Variants in ITPR2 observed in about 807,000 individuals in gnomAD.
ITPR2 encodes inositol 1,4,5-trisphosphate-gated calcium channel ITPR2.
ITPR2 carries 207 observed loss-of-function variants against 317.1 expected under a neutral mutation model. The observed-to-expected ratio is 0.65, with a 90% CI of 0.58 to 0.73. The LOEUF (loss-of-function observed/expected upper bound fraction) is 0.73. Ranked by LOEUF, ITPR2 falls within the 30% of genes least tolerant of loss-of-function variation. The pLI is 0.00. For missense variants in ITPR2, 2,613 were observed against 3,284.0 expected, an observed-to-expected ratio of 0.80 and a Z score of 4.99; for synonymous variants, 1,156 against 1,149.1, an observed-to-expected ratio of 1.01 and a Z score of -0.12.
At chr12:26,462,673 C>CTT (rs1555134095) in intron 45 of ITPR2, among the ~76,000 whole-genome samples, 101 of 62,818 alleles carry the variant, frequency 1.6e-3, no homozygotes, top group South Asian at 0.015. Context: ...AGCTTTCTTT[C>CTT]TTTTTTTTTT....
chr12:26,470,308 A>C (rs1942267103), intron 45 of ITPR2, among the ~76,000 whole-genome samples: 1 of 151,982 alleles, frequency 6.6e-6, no homozygotes, highest in Non-Finnish European at 1.5e-5. Context: ...TAGATACAAA[A>C]ACTGAATTCA....
At chr12:26,605,118 A>ATAAAAAT (rs1308229240) in intron 26 of ITPR2, among the ~76,000 whole-genome samples, 1 of 94,142 alleles carries the variant, frequency 1.1e-5, no homozygotes, top group Non-Finnish European at 2.6e-5. Flanking sequence ...TAAAAAATAA[A>ATAAAAAT]AAATAAAAAT....
At chr12:26,670,556 C>T (rs1947743916) in intron 13 of ITPR2, among the ~76,000 whole-genome samples, 1 of 152,092 alleles carries the variant, frequency 6.6e-6, no homozygotes, top group African/African-American at 2.4e-5. Flanking sequence ...CTGTACATCA[C>T]CATCATCAAA....
At chr12:26,782,021 TATATATATATATGTATAGAGAGAGAGAG>T (rs1329897608) in intron 2 of ITPR2, among the ~76,000 whole-genome samples, 3 of 29,338 alleles carry the variant, frequency 1.0e-4, no homozygotes, top group African/African-American at 2.2e-4. Context: ...TATATATATA[TATATATATATATGTATAGAGAGAGAGAG>T]AGAGAGAGAG....
intron 37 of ITPR2, among the ~76,000 whole-genome samples, chr12:26,504,067 T>C (rs1943132021): frequency 6.6e-6 from 1 of 152,220 alleles, no homozygotes; most frequent in South Asian, 2.1e-4. Context: ...TAGGTTTCAA[T>C]CACCCCTATT....
chr12:26,408,101 T>G (rs572393035), intron 52 of ITPR2, among the ~76,000 whole-genome samples: 42 of 152,360 alleles, frequency 2.8e-4, no homozygotes, highest in African/African-American at 9.9e-4. Flanking sequence ...GTCATACCAC[T>G]GTTAGTAATA....
chr12:26,701,159 ACAT>A lies in ITPR2; in HGVS notation c.952-5512_952-5510del, dbSNP rs372701656. 9.7e-3 allele frequency among the ~76,000 whole-genome samples: 1,476 copies of A among 152,282 alleles called. 12 individuals are homozygous for A. The highest frequency in any genetic ancestry group is 0.027 in the Middle Eastern group (8 of 294). On this transcript the variant is annotated intron_variant, in intron 9 of 56. Transcript: ENST00000381340. The stretch of plus-strand genomic sequence containing the variant: ...GGTGCAAAATGATAGAGAGAGAGAA[ACAT>A]CATAAATACCTGGGCAGTGAAAGTC...
At chr12:26,625,179 T>C (rs1591974728) in intron 23 of ITPR2, among the ~76,000 whole-genome samples, 1 of 152,062 alleles carries the variant, frequency 6.6e-6, no homozygotes, top group East Asian at 1.9e-4. Context: ...GAATAAGAGT[T>C]ACCAGAGGCT....
intron 54 of ITPR2, among the ~76,000 whole-genome samples, chr12:26,392,127 A>T (rs139089484): frequency 1.3e-5 from 2 of 152,082 alleles, no homozygotes; most frequent in African/African-American, 4.8e-5. Context: ...CCCAGTACTG[A>T]CCTTTCTTCT....
intron 23 of ITPR2, chr12:26,627,398 T>C (rs933266136): frequency 3.7e-4 from 56 of 152,344 alleles, no homozygotes; most frequent in African/African-American, 1.3e-3. Flanking sequence ...GCCACTACTT[T>C]CAGGACCTTT....
At chr12:26,524,564 C>A (rs1391850892) in intron 37 of ITPR2, among the ~76,000 whole-genome samples, 4 of 152,072 alleles carry the variant, frequency 2.6e-5, no homozygotes, top group Non-Finnish European at 4.4e-5. Flanking sequence ...ACAATACATG[C>A]TAAACAAATT....
intron 37 of ITPR2, among the ~76,000 whole-genome samples, chr12:26,505,098 T>G (rs954337283): frequency 6.6e-6 from 1 of 152,220 alleles, no homozygotes; most frequent in African/African-American, 2.4e-5. Context: ...GTCATGAGTC[T>G]TTATTATATT....
chr12:26,379,125 A>G (rs574000418), intron 55 of ITPR2, among the ~76,000 whole-genome samples: 15 of 152,340 alleles, frequency 9.8e-5, no homozygotes, highest in Admixed American at 2.0e-4. Context: ...CATTATGGGC[A>G]TGGCATCCGT....
rs186333317 is a variant in ITPR2 at position 26,350,627 on chromosome 12, C to A, written c.7858-10299G>T. On this transcript the variant is annotated intron_variant, in intron 55 of 56. Coordinates refer to ENST00000381340, the MANE Select transcript of ITPR2 (RefSeq NM_002223.4). ...GTGTGATGAGGACCCTTGAGCTTAG[C>A]TTTGTTCCTGTGGTGGCAAGTGGTG... Among the ~76,000 whole-genome samples the A allele has an allele frequency of 2.6e-5, 4 of 152,180 alleles. No homozygotes were observed. The East Asian group carries it at 7.7e-4, about 29-fold the overall frequency.
chr12:26,657,844 T>C lies in ITPR2; in HGVS notation c.2055A>G (p.Ser685=), dbSNP rs2291264. 589,195 of 1,613,192 alleles carry C rather than the reference T, an allele frequency of 0.37. 112,057 individuals are homozygous for C. The highest frequency in any genetic ancestry group is 0.62 in the East Asian group (27,596 of 44,858). The change falls in exon 18 of 57, where the codon TCA becomes TCG. Residue 685 remains serine, a synonymous_variant. Transcript: ENST00000381340. ...AAACTTCTTCATCATCAATGTCATC[T>C]GAAAGGATGGAGCTCTCCATGGGGT... ...ADNPMESSIL[S]DDIDDEEVWL... is the part of the protein sequence containing the mutation.
chr12:26,516,280 G>GGAAAGGAAAGGAAAGGAAAGGAAA (rs1565574580), intron 37 of ITPR2, among the ~76,000 whole-genome samples: 2 of 45,210 alleles, frequency 4.4e-5, no homozygotes, highest in Non-Finnish European at 7.6e-5. Flanking sequence ...AGGAAGGGAA[G>GGAAAGGAAAGGAAAGGAAAGGAAA]GGAAGGGAAA....
At chr12:26,661,275 T>TGTGG (rs1947492559) in intron 15 of ITPR2, among the ~76,000 whole-genome samples, 1 of 8,964 alleles carries the variant, frequency 1.1e-4, no homozygotes, top group African/African-American at 4.3e-4. Flanking sequence ...GGTGTGTGTG[T>TGTGG]GGGGGGGGGG....
chr12:26,341,216 A>C (rs1381183628), intron 55 of ITPR2, among the ~76,000 whole-genome samples: 1 of 152,198 alleles, frequency 6.6e-6, no homozygotes, highest in East Asian at 1.9e-4. Context: ...GTAAATGGCA[A>C]AGCTGGGATT....
At position 26,413,614 on chromosome 12, in the gene ITPR2, C is replaced by T. The variant is rs551878406; in HGVS notation, c.7306+1689G>A. 3.2e-3 allele frequency among the ~76,000 whole-genome samples: 482 copies of T among 152,202 alleles called. 6 individuals carry two copies. Among genetic ancestry groups the T allele is most frequent in the Non-Finnish European group, 3.6e-3 (242 of 68,008 alleles). On this transcript the variant is annotated intron_variant, in intron 51 of 56. Transcript: ENST00000381340. The stretch of plus-strand genomic sequence containing the variant: ...TCATGTATAATCTCAGTCTATGAAA[C>T]AAACACTCTTAATATATGAATAATC...
Sources: gnomAD v4.1 joint callset for allele counts (sites outside exome capture counted in the v4.1 genomes callset) on GRCh38, gnomAD v4.1.1 for gene constraint, MANE v1.5 for transcripts, NCBI Gene and HGNC (gene_info 2026-07-23, HGNC 2026-07-21) for gene names.